The following NR3C2 variants were observed in gnomAD, a reference collection of about 807,000 sequenced individuals.
NR3C2 encodes nuclear receptor subfamily 3 group C member 2.
NR3C2 carries 15 observed loss-of-function variants against 86.4 expected under a neutral mutation model. The ratio of observed to expected loss-of-function variants is 0.17; its 90% CI spans 0.12 to 0.27. NR3C2 has a LOEUF of 0.27. Ranked by LOEUF, NR3C2 falls within the 10% of genes least tolerant of loss-of-function variation. The pLI, the probability that NR3C2 is intolerant of heterozygous loss-of-function variation, is 1.00. For synonymous variants in NR3C2, 458 were observed against 450.5 expected, an observed-to-expected ratio of 1.02 and a Z score of -0.21; for missense variants, 960 against 1,195.6, an observed-to-expected ratio of 0.80 and a Z score of 2.91.
chr4:148,389,769 A>G (rs1408145607), intron 2 of NR3C2, among the ~76,000 whole-genome samples: 1 of 152,146 alleles, frequency 6.6e-6, no homozygotes, highest in East Asian at 1.9e-4. Context: ...TTACATATAC[A>G]TTATTTCATT....
At chr4:148,382,366 T>C (rs1219920048) in intron 2 of NR3C2, among the ~76,000 whole-genome samples, 3 of 152,230 alleles carry the variant, frequency 2.0e-5, no homozygotes, top group African/African-American at 7.2e-5. Context: ...TAATATCTAA[T>C]ATTAATCAAG....
At chr4:148,357,927 C>T (rs937146649) in intron 2 of NR3C2, among the ~76,000 whole-genome samples, 2 of 152,122 alleles carry the variant, frequency 1.3e-5, no homozygotes, top group Non-Finnish European at 2.9e-5. Context: ...GGAAAAAATA[C>T]AAATATCTTT....
intron 3 of NR3C2, among the ~76,000 whole-genome samples, chr4:148,212,251 G>C (rs1203333870): frequency 6.6e-6 from 1 of 152,202 alleles, no homozygotes; most frequent in South Asian, 2.1e-4. Flanking sequence ...AGCAATGATT[G>C]CTTTCTTCTC....
chr4:148,137,951 T>C (rs777672195), intron 6 of NR3C2, among the ~76,000 whole-genome samples: 24 of 152,224 alleles, frequency 1.6e-4, no homozygotes, highest in Non-Finnish European at 3.1e-4. Context: ...ATTTATAATA[T>C]GTGATGGCTT....
In NR3C2 at chr4:148,186,994, ATG is replaced by A. The variant is rs1273878913; in HGVS notation, c.2014+7750_2014+7751del. On this transcript the variant is annotated intron_variant, in intron 4 of 8. Coordinates refer to ENST00000358102, the MANE Select transcript of NR3C2 (RefSeq NM_000901.5). The stretch of plus-strand genomic sequence containing the variant: ...TTCCATCATACTGATGTGTGTATGT[ATG>A]TATATATATATATATATATATATAT... Among the ~76,000 whole-genome samples, 108 of 11,010 alleles carry A rather than the reference ATG, an allele frequency of 9.8e-3. 3 individuals carry two copies. The highest frequency in any genetic ancestry group is 0.018 in the Admixed American group (18 of 982). The allele number at this position is 11,010 out of a possible 152,430, so 7.2% of individuals were successfully genotyped here. A position where few individuals can be genotyped will look rare whatever the true frequency, so the allele number is the denominator to read the frequency against.
At chr4:148,149,314 G>C (rs1243071564) in intron 6 of NR3C2, among the ~76,000 whole-genome samples, 1 of 151,876 alleles carries the variant, frequency 6.6e-6, no homozygotes, top group Non-Finnish European at 1.5e-5. Context: ...ATATTTTCTA[G>C]AATAGACAAA....
chr4:148,116,570 T>A (rs1256425402), intron 7 of NR3C2, among the ~76,000 whole-genome samples: 1 of 152,226 alleles, frequency 6.6e-6, no homozygotes, highest in East Asian at 1.9e-4. Context: ...GGATATCAGG[T>A]GTGCATCTGA....
intron 2 of NR3C2, among the ~76,000 whole-genome samples, chr4:148,393,330 C>T (rs80260186): frequency 0.017 from 2,611 of 152,308 alleles, 40 homozygotes; most frequent in Admixed American, 0.04. Flanking sequence ...ATTAGAAGCA[C>T]GTGCAAAGCT....
At chr4:148,444,392 C>A (rs1022341748), upstream of NR3C2, 3 of 986,522 alleles carry the variant, frequency 3.0e-6, no homozygotes, top group Non-Finnish European at 3.6e-6. Flanking sequence ...TCGTCTCCTG[C>A]CCGCATCCCA....
At chr4:148,423,993 G>A (rs1391983014) in intron 2 of NR3C2, among the ~76,000 whole-genome samples, 1 of 152,200 alleles carries the variant, frequency 6.6e-6, no homozygotes, top group Admixed American at 6.5e-5. Context: ...GATTATAGGC[G>A]TGAGCCACCA....
chr4:148,232,640 CTG>C lies in NR3C2; in HGVS notation c.1897+27336_1897+27337del, dbSNP rs1161441834. ...ATTAGCCCCTGACAAGAGAGTCAGC[CTG>C]TCCTTTGAAGCTTTGAATCTAGGCA... On this transcript the variant is annotated intron_variant, in intron 3 of 8. Transcript: ENST00000358102. Among the ~76,000 whole-genome samples the C allele has an allele frequency of 9.2e-5, 14 of 152,310 alleles. No individual in the cohort carries two copies. The East Asian group carries it at 2.7e-3, about 29-fold the overall frequency.
intron 8 of NR3C2, among the ~76,000 whole-genome samples, chr4:148,103,133 A>T (rs1395925721): frequency 2.6e-5 from 4 of 151,964 alleles, no homozygotes; most frequent in African/African-American, 9.7e-5. Context: ...CCCCGACTTG[A>T]CTTTTGGGTC....
At chr4:148,125,146 G>A (rs1045776708) in intron 6 of NR3C2, among the ~76,000 whole-genome samples, 2 of 152,218 alleles carry the variant, frequency 1.3e-5, no homozygotes. Flanking sequence ...ACTGCCATGG[G>A]TATAAGCATT....
At chr4:148,218,539 T>A (rs907392070) in intron 3 of NR3C2, among the ~76,000 whole-genome samples, 2 of 152,166 alleles carry the variant, frequency 1.3e-5, no homozygotes, top group South Asian at 2.1e-4. Context: ...CATTTTTTTT[T>A]AAACATAGAA....
At chr4:148,149,442 G>A (rs999488748) in intron 6 of NR3C2, among the ~76,000 whole-genome samples, 3 of 151,396 alleles carry the variant, frequency 2.0e-5, no homozygotes, top group African/African-American at 4.9e-5. Flanking sequence ...TTCCATTTAC[G>A]AAAAAACATT....
chr4:148,242,359 C>A (rs985622078), intron 3 of NR3C2, among the ~76,000 whole-genome samples: 9 of 152,164 alleles, frequency 5.9e-5, no homozygotes, highest in African/African-American at 2.2e-4. Context: ...CTTTGGAAAG[C>A]AATCTGGCAA....
At chr4:148,193,164 C>A (rs1013390936) in intron 4 of NR3C2, among the ~76,000 whole-genome samples, 4 of 152,212 alleles carry the variant, frequency 2.6e-5, no homozygotes, top group Non-Finnish European at 5.9e-5. Context: ...GCTGCTGCTT[C>A]TTCTACCCTT....
At chr4:148,280,124 T>C (rs1741160962) in intron 2 of NR3C2, among the ~76,000 whole-genome samples, 1 of 152,220 alleles carries the variant, frequency 6.6e-6, no homozygotes. Context: ...TTAATAACAG[T>C]AAATAAACCT....
intron 1 of NR3C2, among the ~76,000 whole-genome samples, chr4:148,437,186 T>C (rs1019341657): frequency 5.3e-5 from 8 of 152,176 alleles, no homozygotes; most frequent in African/African-American, 1.7e-4. Flanking sequence ...AAAGTAATCC[T>C]GGGAATTATT....
Sources: allele counts gnomAD v4.1 joint callset (sites outside exome capture counted in the v4.1 genomes callset), GRCh38; gene constraint gnomAD v4.1.1; transcripts MANE v1.5; gene names NCBI Gene and HGNC (gene_info 2026-07-23, HGNC 2026-07-21).